PTGES2: variants seen among roughly 807,000 people sequenced by gnomAD.
PTGES2 encodes the protein prostaglandin E synthase 2.
Under a neutral mutation model 44.5 loss-of-function variants are expected in PTGES2, and 35 were observed. The ratio of observed to expected loss-of-function variants is 0.79; its 90% CI spans 0.60 to 1.04. PTGES2 has a LOEUF of 1.04. Among genes scored for constraint, PTGES2 ranks in the 50% least tolerant of loss-of-function variants. The pLI is 0.00. For missense variants in PTGES2, 517 were observed against 521.4 expected, an observed-to-expected ratio of 0.99 and a Z score of 0.08; for synonymous variants, 221 against 227.5, an observed-to-expected ratio of 0.97 and a Z score of 0.26.
At chr9:128,128,089 A>C, upstream of PTGES2, 7 of 345,524 alleles carry the variant, frequency 2.0e-5, no homozygotes, top group South Asian at 1.6e-4. Flanking sequence ...CATTCAAAAC[A>C]ACTCCAGCCC....
intron 5 of PTGES2, 33 bp from the exon 6 acceptor site, chr9:128,122,512 G>T: frequency 6.3e-7 from 1 of 1,579,614 alleles, no homozygotes; most frequent in Non-Finnish European, 8.7e-7. Flanking sequence ...CCTCAGGGGA[G>T]CCCCCACTCC....
upstream of PTGES2, chr9:128,128,358 T>G (rs764511521): frequency 2.2e-6 from 1 of 455,444 alleles, no homozygotes; most frequent in South Asian, 1.5e-5. Flanking sequence ...GCCAGGCTGC[T>G]CGGTCCTTCT....
intron 1 of PTGES2, 89 bp from the exon 2 acceptor site, chr9:128,125,530 G>A: frequency 8.3e-7 from 1 of 1,205,990 alleles, no homozygotes; most frequent in East Asian, 2.4e-5. Context: ...GGAGTCTTCT[G>A]AAATGACGCT....
chr9:128,122,751 G>C (rs564060530), intron 5 of PTGES2, 183 bp downstream of exon 5: 4 of 680,236 alleles, frequency 5.9e-6, no homozygotes, highest in African/African-American at 1.8e-5. Context: ...CCCCAGGGGA[G>C]GTGAGCAGGA....
intron 1 of PTGES2, 50 bp from the exon 2 acceptor site, chr9:128,125,491 A>AGGCCCT: frequency 6.3e-7 from 1 of 1,575,008 alleles, no homozygotes; most frequent in Non-Finnish European, 8.7e-7. Context: ...CCCCAGGCCC[A>AGGCCCT]GGCCCTGCCC....
In PTGES2 at chr9:128,123,754, T is replaced by C. The variant is rs1305870238; in HGVS notation, c.634A>G (p.Met212Val). The change falls in exon 4 of 7, where the codon ATG becomes GTG. Residue 212 changes from methionine to valine, a missense_variant. Coordinates refer to ENST00000338961, the MANE Select transcript of PTGES2 (RefSeq NM_025072.7). The surrounding 1 kb of genome is among the most constrained non-coding windows in gnomAD (Gnocchi z 4.4). ...TGCTGGGCCTCCTTCTCGTTGAGCATGAGCCAGTACTTATTGCCGAACTCG... is the reference window on the plus strand; with the variant it reads ...TGCTGGGCCTCCTTCTCGTTGAGCACGAGCCAGTACTTATTGCCGAACTCG... Reference protein sequence around the residue: ...VTEFGNKYWLMLNEKEAQQVY... With the variant: ...VTEFGNKYWLVLNEKEAQQVY... 3 of 1,613,292 alleles carry C rather than the reference T, an allele frequency of 1.9e-6. No homozygotes were observed. The East Asian group carries it at 6.7e-5, about 36-fold the overall frequency.
chr9:128,122,816 C>A, intron 5 of PTGES2, 118 bp downstream of exon 5: 1 of 1,074,076 alleles, frequency 9.3e-7, no homozygotes, highest in Non-Finnish European at 1.4e-6. Flanking sequence ...TAATGCGTTT[C>A]CCACCTGCCC....
In PTGES2 at chr9:128,125,426, G is replaced by A. The variant is rs375197882; in HGVS notation, c.295C>T (p.Arg99Cys). Reference sequence around the variant, plus strand: ...TACTGGTACAGGGTCAGCTGCAGGCGGCTGGACAGGGAGAGCTGCGGGCAG... The same window carrying A: ...TACTGGTACAGGGTCAGCTGCAGGCAGCTGGACAGGGAGAGCTGCGGGCAG... ...RSAAQLSLSS[R>C]LQLTLYQYKT... The change falls in exon 2 of 7, where the codon CGC (arginine) becomes TGC (cysteine). Residue 99 changes from arginine to cysteine, a missense_variant. Physicochemically the swap from Arg to Cys is radical, Grantham distance 180 (BLOSUM62 -3). Coordinates refer to ENST00000338961, the MANE Select transcript of PTGES2 (RefSeq NM_025072.7). 1.8e-5 allele frequency: 29 copies of A among 1,613,860 alleles called. No homozygotes were observed. The highest frequency in any genetic ancestry group is 9.3e-5 in the African/African-American group (7 of 74,934).
At chr9:128,121,826 T>C (rs1834420239) in intron 6 of PTGES2, among the ~76,000 whole-genome samples, 1 of 152,072 alleles carries the variant, frequency 6.6e-6, no homozygotes, top group African/African-American at 2.4e-5. Flanking sequence ...GGCAGAAGAA[T>C]TGCTTGAACC....
chr9:128,125,890 G>C (rs10987885), intron 1 of PTGES2, among the ~76,000 whole-genome samples: 2,877 of 152,294 alleles, frequency 0.019, 69 homozygotes, highest in East Asian at 0.053. Context: ...CACCAGTGGG[G>C]TCTACCTCCA....
chr9:128,120,800 G>T lies in PTGES2; in HGVS notation c.*345C>A. On this transcript the variant is annotated 3_prime_UTR_variant, in exon 7 of 7. Transcript: ENST00000338961. ...GTGGGAACCAGGGGAACCCAGGGAT[G>T]GGATTCCACTGAAAACAAACCGTCC... 3.9e-6 allele frequency: 1 copy of T among 256,992 alleles called. No homozygotes were observed. The allele number at this position is 256,992 out of a possible 1,614,324, so 15.9% of individuals were successfully genotyped here.
In PTGES2 at chr9:128,121,081, A is replaced by G; in HGVS notation, c.*64T>C. 8 of 1,543,918 alleles carry G rather than the reference A, an allele frequency of 5.2e-6. No individual in the cohort carries two copies. Among genetic ancestry groups the G allele is most frequent in the South Asian group, 1.2e-5 (1 of 83,766 alleles). On this transcript the variant is annotated 3_prime_UTR_variant, in exon 7 of 7. Transcript: ENST00000338961. ...AACCAGTATCGCCAGGCGCTGGCCC[A>G]GTGGCCCCAGGCCCTGGCAGCTGGC...
At position 128,121,215 on chromosome 9, in the gene PTGES2, T is replaced by C. The variant is rs756546893; in HGVS notation, c.1064A>G (p.Gln355Arg). 2.3e-5 allele frequency: 37 copies of C among 1,600,656 alleles called. No individual in the cohort carries two copies. The highest frequency in any genetic ancestry group is 2.9e-5 in the Non-Finnish European group (34 of 1,173,746). ...EGLDAFDDLM[Q>R]HTHIQPWYLR... Reference sequence around the variant, plus strand: ...GTACCAGGGCTGGATGTGCGTGTGCTGCATCAGGTCATCGAACGCATCCAG... The same window carrying C: ...GTACCAGGGCTGGATGTGCGTGTGCCGCATCAGGTCATCGAACGCATCCAG... Residue 355 changes from glutamine to arginine, a missense_variant, in exon 7 of 7, where the codon CAG (glutamine) becomes CGG (arginine). Coordinates refer to ENST00000338961, the MANE Select transcript of PTGES2 (RefSeq NM_025072.7).
rs192335258 is a variant in PTGES2, at chr9:128,125,245, G to C, written c.476C>G (p.Ser159Trp). 1.3e-6 allele frequency: 2 copies of C among 1,577,422 alleles called. No homozygotes were observed. The highest frequency in any genetic ancestry group is 8.6e-7 in the Non-Finnish European group (1 of 1,161,562). ...PILVAQEGES[S>W]QQLNDSSVII... is the part of the protein sequence containing the mutation. The stretch of plus-strand genomic sequence containing the variant: ...TGCAGGGGGTTCCCTGGGGCTCACC[G>C]AGCTTTCTCCTTCCTGGGCCACCAG... Residue 159 changes from serine to tryptophan, a missense_variant and splice_region_variant, in exon 2 of 7, where the codon TCG becomes TGG. Ser to Trp is a radical substitution (Grantham distance 177). Coordinates refer to ENST00000338961, the MANE Select transcript of PTGES2 (RefSeq NM_025072.7).
rs1487005309 is a variant in PTGES2, at chr9:128,120,882, G to A, written c.*263C>T. The A allele has an allele frequency of 1.4e-5, 7 of 501,016 alleles. No individual in the cohort carries two copies. Among genetic ancestry groups the A allele is most frequent in the Non-Finnish European group, 2.5e-5 (7 of 283,864 alleles). 31.0% of individuals were successfully genotyped at this position (501,016 alleles called of 1,614,324 possible). A position where few individuals can be genotyped will look rare whatever the true frequency, so the allele number is the denominator to read the frequency against. ...ATGTAGCCATGGGACAGCCACTGAG[G>A]GTCCAGGAAGAGGGGCGGCAGAGCA... On this transcript the variant is annotated 3_prime_UTR_variant, in exon 7 of 7. Transcript: ENST00000338961.
chr9:128,127,644 C>T lies in PTGES2; in HGVS notation c.74G>A (p.Arg25His), dbSNP rs962812946. ...GCALAWRLGG[R>H]PQPLLPTQSR... ...CTGCGTGGGTAGCAGCGGCTGGGGG[C>T]GGCCTCCCAGCCTCCAGGCCAAGGC... Residue 25 changes from arginine to histidine, a missense_variant, in exon 1 of 7, where the codon CGC becomes CAC. Physicochemically the swap from Arg to His is conservative, Grantham distance 29. Coordinates refer to ENST00000338961, the MANE Select transcript of PTGES2 (RefSeq NM_025072.7). 17 of 1,271,098 alleles carry T rather than the reference C, an allele frequency of 1.3e-5. No individual in the cohort carries two copies. Among genetic ancestry groups the T allele is most frequent in the Non-Finnish European group, 1.4e-5 (14 of 1,009,928 alleles). The allele number at this position is 1,271,098 out of a possible 1,614,324, so 78.7% of individuals were successfully genotyped here.
intron 1 of PTGES2, 59 bp from the exon 2 acceptor site, chr9:128,125,500 C>T (rs368594760): frequency 6.5e-7 from 1 of 1,538,150 alleles, no homozygotes; most frequent in Non-Finnish European, 8.9e-7. Flanking sequence ...CAGGCCCTGC[C>T]CCCAAGGGTG....
chr9:128,122,235 G>A (rs77854849), intron 6 of PTGES2, 127 bp downstream of exon 6: 41 of 745,894 alleles, frequency 5.5e-5, no homozygotes, highest in East Asian at 4.5e-4. Context: ...GTTTCTGTCC[G>A]TGATGGCAGA....
upstream of PTGES2, chr9:128,127,895 GC>G (rs1392337268): frequency 1.8e-6 from 1 of 555,668 alleles, no homozygotes; most frequent in Non-Finnish European, 2.7e-6. Context: ...CGAAACGCCC[GC>G]CAGAGCCGCA....
Sources: allele counts gnomAD v4.1 joint callset (sites outside exome capture counted in the v4.1 genomes callset), GRCh38; gene constraint gnomAD v4.1.1; non-coding constraint Gnocchi (gnomAD v3.1); transcripts MANE v1.5; gene names NCBI Gene and HGNC (gene_info 2026-07-23, HGNC 2026-07-21).